KIAA1217: variants seen among roughly 807,000 people sequenced by gnomAD.
KIAA1217 encodes KIAA1217.
KIAA1217 carries 88 observed loss-of-function variants against 163.9 expected under a neutral mutation model. The ratio of observed to expected loss-of-function variants is 0.54; its 90% confidence interval spans 0.45 to 0.64. The LOEUF is 0.64. Ranked by LOEUF, KIAA1217 falls within the 30% of genes least tolerant of loss-of-function variation. The pLI is 0.00. For synonymous variants in KIAA1217, 903 were observed against 923.1 expected (o/e 0.98, Z 0.39); for missense variants, 2,372 against 2,475.0 (o/e 0.96, Z 0.88).
intron 1 of KIAA1217, among the ~76,000 whole-genome samples, chr10:23,795,152 T>C (rs1418067648): frequency 1.3e-5 from 2 of 152,226 alleles, no homozygotes; most frequent in Non-Finnish European, 2.9e-5. Context: ...TAGTAATCTT[T>C]ATTGACAATT....
At chr10:24,197,145 G>A (rs1197285553) in intron 2 of KIAA1217, among the ~76,000 whole-genome samples, 2 of 152,172 alleles carry the variant, frequency 1.3e-5, no homozygotes, top group East Asian at 1.9e-4. Flanking sequence ...TATAACCAAT[G>A]ACCTTTTAGT....
At chr10:24,497,544 G>T (rs962315612) in intron 8 of KIAA1217, among the ~76,000 whole-genome samples, 9 of 151,872 alleles carry the variant, frequency 5.9e-5, no homozygotes, top group Non-Finnish European at 1.3e-4. Flanking sequence ...ACCAGCCTGG[G>T]CAATATTGCA....
chr10:24,094,028 A>G (rs962257917), intron 2 of KIAA1217, among the ~76,000 whole-genome samples: 3 of 151,462 alleles, frequency 2.0e-5, no homozygotes, highest in African/African-American at 7.3e-5. Context: ...TATGTGCCAC[A>G]TTTTCTTAAT....
chr10:24,169,516 C>T (rs1204977415), intron 2 of KIAA1217, among the ~76,000 whole-genome samples: 5 of 152,162 alleles, frequency 3.3e-5, no homozygotes, highest in South Asian at 2.1e-4. Context: ...ATAGGGAATT[C>T]GTTTTGTTCC....
At position 24,099,409 on chromosome 10, in the gene KIAA1217, C is replaced by T. The variant is rs553914979; in HGVS notation, c.-171+92035C>T. Among the ~76,000 whole-genome samples the T allele has an allele frequency of 4.0e-3, 607 of 151,230 alleles. 6 individuals carry two copies. The highest frequency in any genetic ancestry group is 0.014 in the African/African-American group (575 of 41,180). On this transcript the variant is annotated intron_variant, in intron 2 of 18. Transcript: ENST00000376462. ...ACCAAGTGTTCTCATTGTTCAATTC[C>T]CACCTATGAGTGAGAACATGCAGTA...
intron 2 of KIAA1217, among the ~76,000 whole-genome samples, chr10:24,313,563 T>G (rs560699209): frequency 6.6e-6 from 1 of 152,278 alleles, no homozygotes; most frequent in African/African-American, 2.4e-5. Flanking sequence ...GTATACAGTT[T>G]GTAGGAAACT....
intron 2 of KIAA1217, among the ~76,000 whole-genome samples, chr10:24,113,109 C>G (rs928898925): frequency 2.0e-5 from 3 of 152,076 alleles, no homozygotes; most frequent in African/African-American, 7.2e-5. Context: ...CTTTAAGCCA[C>G]TCAGTTTGTG....
At chr10:24,355,540 G>A (rs2048976758) in intron 2 of KIAA1217, among the ~76,000 whole-genome samples, 1 of 151,724 alleles carries the variant, frequency 6.6e-6, no homozygotes, top group Non-Finnish European at 1.5e-5. Flanking sequence ...CTACTCTTGT[G>A]ACCAAATCAC....
At chr10:24,342,068 C>G (rs1355849055) in intron 2 of KIAA1217, among the ~76,000 whole-genome samples, 1 of 152,178 alleles carries the variant, frequency 6.6e-6, no homozygotes, top group African/African-American at 2.4e-5. Flanking sequence ...GCCTTTGCAG[C>G]CAGAGGGCTT....
At chr10:23,848,719 C>G (rs1839163588) in intron 1 of KIAA1217, among the ~76,000 whole-genome samples, 1 of 152,052 alleles carries the variant, frequency 6.6e-6, no homozygotes, top group Non-Finnish European at 1.5e-5. Context: ...ACTTTTCTTG[C>G]TTTTACCTCT....
intron 2 of KIAA1217, among the ~76,000 whole-genome samples, chr10:24,366,511 T>C (rs971327408): frequency 2.0e-5 from 3 of 152,216 alleles, no homozygotes; most frequent in Non-Finnish European, 4.4e-5. Context: ...TTTAAATGCT[T>C]GCACAGTAAG....
intron 2 of KIAA1217, among the ~76,000 whole-genome samples, chr10:24,267,678 T>C (rs999588228): frequency 6.6e-6 from 1 of 152,212 alleles, no homozygotes; most frequent in African/African-American, 2.4e-5. Flanking sequence ...AAATAGACTT[T>C]TTTAGAGTGT....
intron 1 of KIAA1217, among the ~76,000 whole-genome samples, chr10:23,818,121 A>ATC (rs1240389719): frequency 2.1e-5 from 3 of 142,914 alleles, no homozygotes; most frequent in East Asian, 4.0e-4. Context: ...ATATATATAT[A>ATC]TACTCACACA....
intron 1 of KIAA1217, among the ~76,000 whole-genome samples, chr10:23,853,484 T>G (rs1473597095): frequency 2.0e-5 from 3 of 152,202 alleles, no homozygotes; most frequent in African/African-American, 7.2e-5. Flanking sequence ...TCTTTTTTGG[T>G]TGTGTCTCTG....
intron 2 of KIAA1217, among the ~76,000 whole-genome samples, chr10:24,071,123 C>T (rs1303077844): frequency 2.0e-5 from 3 of 152,104 alleles, no homozygotes; most frequent in Non-Finnish European, 2.9e-5. Flanking sequence ...TGATAATTCC[C>T]AATTACTGAA....
chr10:23,815,761 ATGAGTT>A lies in KIAA1217; in HGVS notation c.-321+120533_-321+120538del, dbSNP rs1400603195. The stretch of plus-strand genomic sequence containing the variant: ...CTTATATTCACATATTTCATGTATA[ATGAGTT>A]TGAGTGCATTTTAAATGTTATTGTC... On this transcript the variant is annotated intron_variant, in intron 1 of 18. Transcript: ENST00000376462. 2.6e-4 allele frequency among the ~76,000 whole-genome samples: 40 copies of A among 152,364 alleles called. 1 individual carries two copies. The highest frequency in any genetic ancestry group is 9.6e-4 in the African/African-American group (40 of 41,586).
intron 1 of KIAA1217, among the ~76,000 whole-genome samples, chr10:23,745,682 T>C (rs1839368489): frequency 1.3e-5 from 2 of 152,158 alleles, no homozygotes; most frequent in African/African-American, 4.8e-5. Context: ...TTTGTAACTG[T>C]ACTTGGCCCA....
At chr10:24,349,999 G>C (rs2048260171) in intron 2 of KIAA1217, among the ~76,000 whole-genome samples, 1 of 152,190 alleles carries the variant, frequency 6.6e-6, no homozygotes, top group South Asian at 2.1e-4. Flanking sequence ...TGGAGGGAAA[G>C]ACAGGTAAAA....
intron 2 of KIAA1217, among the ~76,000 whole-genome samples, chr10:24,277,320 C>T (rs1358854119): frequency 6.6e-6 from 1 of 152,176 alleles, no homozygotes; most frequent in East Asian, 1.9e-4. Flanking sequence ...GGTGTGGTTC[C>T]CACTCAAAGT....
Sources: gnomAD v4.1 joint callset for allele counts (sites outside exome capture counted in the v4.1 genomes callset) on GRCh38, gnomAD v4.1.1 for gene constraint, MANE v1.5 for transcripts, NCBI Gene and HGNC (gene_info 2026-07-23, HGNC 2026-07-21) for gene names.